Variants in HACL1 observed in about 807,000 individuals in gnomAD.
HACL1 encodes the protein 1600020H07Rik.
HACL1 carries 64 observed loss-of-function variants against 74.2 expected under a neutral mutation model. The ratio of observed to expected loss-of-function variants is 0.86; its 90% CI spans 0.70 to 1.06. The LOEUF is 1.06. Among genes scored for constraint, HACL1 ranks in the 50% least tolerant of loss-of-function variants. The pLI is 0.00. For synonymous variants in HACL1, 230 were observed against 238.8 expected (o/e 0.96, Z 0.34); for missense variants, 728 against 719.7 (o/e 1.01, Z -0.13).
Position 15,563,473 on chromosome 3 carries a change from T to G in HACL1, c.1589A>C (p.Tyr530Ser). 6.2e-7 allele frequency: 1 copy of G among 1,609,998 alleles called. No homozygotes were observed. Among genetic ancestry groups the G allele is most frequent in the Non-Finnish European group, 8.5e-7 (1 of 1,176,212 alleles). Reference sequence around the variant, plus strand: ...GAGTTCTTCTGGTGTTTGTACAAAATACCCTTTGCCTCCAAATGCAGTCAT... The same window carrying G: ...GAGTTCTTCTGGTGTTTGTACAAAAGACCCTTTGCCTCCAAATGCAGTCAT... ...QVMTAFGGKGYFVQTPEELQK... is the reference protein window; with the variant it reads ...QVMTAFGGKGSFVQTPEELQK... Residue 530 changes from tyrosine (Y) to serine (S), a missense_variant, in exon 16 of 17, where the codon TAT becomes TCT. Transcript: ENST00000321169.
chr3:15,593,794 G>GTTTTTTTTTT (rs1559563174), intron 3 of HACL1, among the ~76,000 whole-genome samples: 2 of 116,660 alleles, frequency 1.7e-5, no homozygotes, highest in African/African-American at 3.3e-5. Flanking sequence ...TTTTTTTTTT[G>GTTTTTTTTTT]TCTTTTTTTT....
At position 15,571,785 on chromosome 3, in the gene HACL1, ACACACACACAC is replaced by A; in HGVS notation, c.994-27_994-17del. On this transcript the variant is annotated splice_polypyrimidine_tract_variant and intron_variant, in intron 11 of 16. Transcript: ENST00000321169. ...CCTCTAAAAGCTTAAAAAAAAAAAA[ACACACACACAC>A]AAACACATAAACTTTTTCTTTGCCT... 4 of 843,600 alleles carry A rather than the reference ACACACACACAC, an allele frequency of 4.7e-6. No homozygotes were observed. Among genetic ancestry groups the A allele is most frequent in the Non-Finnish European group, 7.5e-6 (4 of 530,250 alleles). The allele number at this position is 843,600 out of a possible 1,614,324, so 52.3% of individuals were successfully genotyped here. A position where few individuals can be genotyped will look rare whatever the true frequency, so the allele number is the denominator to read the frequency against.
At chr3:15,573,378 T>TA (rs2063570624) in intron 10 of HACL1, 136 bp from the exon 11 acceptor site, 1 of 598,478 alleles carries the variant, frequency 1.7e-6, no homozygotes, top group Non-Finnish European at 3.0e-6. Context: ...AGTTCCTTAA[T>TA]AAAAAAAGTA....
rs139370092 is a variant in HACL1, at chr3:15,568,002, C to G, written c.1251G>C (p.Arg417Ser). 3 of 1,614,030 alleles carry G rather than the reference C, an allele frequency of 1.9e-6. No homozygotes were observed. Among genetic ancestry groups the G allele is most frequent in the Non-Finnish European group, 2.5e-6 (3 of 1,179,914 alleles). ...TVLQNYLPRHRLDAGTFGTMG... is the reference protein window; with the variant it reads ...TVLQNYLPRHSLDAGTFGTMG... The stretch of plus-strand genomic sequence containing the variant: ...TTGTTCCGAAAGTACCAGCATCAAG[C>G]CTGTTGGAGAACAAAGTTAAAATGA... Residue 417 changes from arginine to serine, a missense_variant and splice_region_variant, in exon 14 of 17, where the codon AGG becomes AGC. Coordinates refer to ENST00000321169, the MANE Select transcript of HACL1 (RefSeq NM_012260.4).
intron 16 of HACL1, among the ~76,000 whole-genome samples, chr3:15,561,408 T>C: frequency 6.6e-6 from 1 of 152,142 alleles, no homozygotes; most frequent in Non-Finnish European, 1.5e-5. Flanking sequence ...AATCAACAGT[T>C]TGGAAAGTAT....
chr3:15,599,769 G>A (rs1003302123), intron 2 of HACL1, among the ~76,000 whole-genome samples: 10 of 152,316 alleles, frequency 6.6e-5, no homozygotes, highest in Admixed American at 3.3e-4. Flanking sequence ...TCAACGTGAA[G>A]ATCAAGACTA....
rs748055006 is a variant in HACL1, at chr3:15,582,864, C to T, written c.667+13G>A. 1.7e-5 allele frequency: 23 copies of T among 1,334,874 alleles called. No individual in the cohort carries two copies. The highest frequency in any genetic ancestry group is 1.8e-4 in the Middle Eastern group (1 of 5,464). The allele number at this position is 1,334,874 out of a possible 1,614,324, so 82.7% of individuals were successfully genotyped here. A position where few individuals can be genotyped will look rare whatever the true frequency, so the allele number is the denominator to read the frequency against. On this transcript the variant is annotated intron_variant, in intron 8 of 16. Coordinates refer to ENST00000321169, the MANE Select transcript of HACL1 (RefSeq NM_012260.4). ...CAAAAGCCTAGCAAGATTTAGAGTTCTATTCATGCTACCTTTCCCGATGAT... is the reference window on the plus strand; with the variant it reads ...CAAAAGCCTAGCAAGATTTAGAGTTTTATTCATGCTACCTTTCCCGATGAT...
At chr3:15,561,768 C>T (rs1204169083) in intron 16 of HACL1, among the ~76,000 whole-genome samples, 1 of 152,164 alleles carries the variant, frequency 6.6e-6, no homozygotes, top group Non-Finnish European at 1.5e-5. Context: ...GCAACCTCCA[C>T]CTCCTGGGTT....
intron 7 of HACL1, among the ~76,000 whole-genome samples, chr3:15,584,121 T>C (rs1349915947): frequency 6.6e-6 from 1 of 152,234 alleles, no homozygotes; most frequent in Non-Finnish European, 1.5e-5. Context: ...TTAGACATAT[T>C]GTCAAAATAT....
intron 2 of HACL1, among the ~76,000 whole-genome samples, chr3:15,600,322 G>A (rs914612660): frequency 6.6e-6 from 1 of 152,216 alleles, no homozygotes; most frequent in Admixed American, 6.5e-5. Flanking sequence ...AACGGTGGGA[G>A]TGTAAAGCAG....
At chr3:15,591,733 A>T (rs1383534582) in intron 3 of HACL1, 53 bp from the exon 4 acceptor site, 1 of 1,159,542 alleles carries the variant, frequency 8.6e-7, no homozygotes, top group Non-Finnish European at 1.3e-6. Flanking sequence ...CAACTGATTC[A>T]TAACACTTTA....
chr3:15,589,433 A>C, intron 5 of HACL1, 107 bp downstream of exon 5: 1 of 668,756 alleles, frequency 1.5e-6, no homozygotes, highest in Non-Finnish European at 2.7e-6. Context: ...GGAGGTCAAG[A>C]CTGCAGTGAG....
intron 5 of HACL1, among the ~76,000 whole-genome samples, chr3:15,587,509 A>C (rs998393438): frequency 1.3e-5 from 2 of 149,482 alleles, no homozygotes; most frequent in Non-Finnish European, 3.0e-5. Context: ...CTTCCACAAA[A>C]ACCAGATACT....
intron 8 of HACL1, 68 bp downstream of exon 8, chr3:15,582,809 A>G: frequency 1.3e-6 from 1 of 754,836 alleles, no homozygotes. Flanking sequence ...TTAATAAACA[A>G]TGAAAGTTTG....
rs1270651763 is a variant in HACL1, at chr3:15,560,743, A to G, written c.*122T>C. The stretch of plus-strand genomic sequence containing the variant: ...TTTTAATCAATTCCTTTACTGTAAA[A>G]TGTCATTTTAAATGTTTATTTTATT... On this transcript the variant is annotated 3_prime_UTR_variant, in exon 17 of 17. Coordinates refer to ENST00000321169, the MANE Select transcript of HACL1 (RefSeq NM_012260.4). The G allele has an allele frequency of 4.1e-6, 3 of 731,586 alleles. No individual in the cohort carries two copies. Among genetic ancestry groups the G allele is most frequent in the Non-Finnish European group, 7.2e-6 (3 of 417,456 alleles). 45.3% of individuals were successfully genotyped at this position (731,586 alleles called of 1,614,324 possible).
At chr3:15,563,305 G>T in intron 16 of HACL1, 53 bp downstream of exon 16, 1 of 1,194,348 alleles carries the variant, frequency 8.4e-7, no homozygotes, top group Non-Finnish European at 1.2e-6. Flanking sequence ...TTTTTGGAGG[G>T]GGATAGGGGA....
At chr3:15,600,052 A>C (rs1340160260) in intron 2 of HACL1, among the ~76,000 whole-genome samples, 1 of 152,270 alleles carries the variant, frequency 6.6e-6, no homozygotes, top group Non-Finnish European at 1.5e-5. Flanking sequence ...AAAAAATACA[A>C]ATCTCAAACC....
chr3:15,595,469 GA>G (rs2064039319), intron 3 of HACL1, among the ~76,000 whole-genome samples: 1 of 151,616 alleles, frequency 6.6e-6, no homozygotes, highest in Admixed American at 6.6e-5. Context: ...TAACATATGT[GA>G]AAAAAGTATG....
chr3:15,573,387 T>G (rs1559551025), intron 10 of HACL1, 145 bp from the exon 11 acceptor site: 3 of 593,278 alleles, frequency 5.1e-6, no homozygotes, highest in Admixed American at 3.1e-5. Flanking sequence ...ATAAAAAAAG[T>G]AAAAGTCCAT....
Sources: allele counts gnomAD v4.1 joint callset (sites outside exome capture counted in the v4.1 genomes callset), GRCh38; gene constraint gnomAD v4.1.1; transcripts MANE v1.5; gene names NCBI Gene and HGNC (gene_info 2026-07-23, HGNC 2026-07-21).